Variants in SCLT1 observed in about 807,000 individuals in gnomAD.
The protein encoded by SCLT1 is sodium channel-associated protein 1.
SCLT1 carries 78 observed loss-of-function variants against 112.8 expected under a neutral mutation model. That is an observed-to-expected ratio of 0.69 (90% CI 0.58 to 0.83). SCLT1 has a LOEUF of 0.83. Ranked by LOEUF, SCLT1 falls within the 40% of genes least tolerant of loss-of-function variation. The pLI is 0.00. For missense variants in SCLT1, 747 were observed against 770.4 expected, an observed-to-expected ratio of 0.97 and a Z score of 0.36; for synonymous variants, 257 against 254.7, an observed-to-expected ratio of 1.01 and a Z score of -0.09.
rs1479985241 is a variant in SCLT1, at chr4:128,969,309, A to G, written c.777+1069T>C. ...TATTGCTGGCCGGGCGCGGTGGCTC[A>G]CACCTGTAATCCCAGCACTTTGGGA... On this transcript the variant is annotated intron_variant, in intron 10 of 20. Coordinates refer to ENST00000281142, the MANE Select transcript of SCLT1 (RefSeq NM_144643.4). 2.0e-5 allele frequency among the ~76,000 whole-genome samples: 3 copies of G among 152,130 alleles called. No homozygotes were observed. In the East Asian group the frequency reaches 5.8e-4, roughly 29 times the overall value.
chr4:128,876,992 A>AT (rs970269211), intron 3 of SCLT1, among the ~76,000 whole-genome samples: 4 of 152,112 alleles, frequency 2.6e-5, no homozygotes, highest in Non-Finnish European at 4.4e-5. Flanking sequence ...AGGTCTCTTC[A>AT]TTTTTTGCCT....
chr4:128,876,180 TTAATC>T (rs1444244590), intron 4 of SCLT1, among the ~76,000 whole-genome samples: 1 of 152,190 alleles, frequency 6.6e-6, no homozygotes, highest in Non-Finnish European at 1.5e-5. Context: ...GGTAGCTATC[TTAATC>T]TAATTTATAA....
chr4:129,031,708 C>T (rs2126145320), intron 5 of SCLT1, among the ~76,000 whole-genome samples: 1 of 152,154 alleles, frequency 6.6e-6, no homozygotes, highest in Admixed American at 6.5e-5. Context: ...CTCCCATTCA[C>T]AATTGCTACA....
intron 18 of SCLT1, among the ~76,000 whole-genome samples, chr4:128,931,501 C>T (rs527872737): frequency 1.3e-5 from 2 of 152,194 alleles, no homozygotes; most frequent in South Asian, 2.1e-4. Flanking sequence ...CTCACTCTGT[C>T]GCCCAGGCTG....
chr4:128,893,917 T>C (rs1474024552), intron 18 of SCLT1, among the ~76,000 whole-genome samples: 1 of 152,050 alleles, frequency 6.6e-6, no homozygotes, highest in Non-Finnish European at 1.5e-5. Flanking sequence ...TAGGGTCACA[T>C]AGCCTGTCAG....
chr4:128,997,082 A>T (rs1047812855), intron 8 of SCLT1: 9 of 152,054 alleles, frequency 5.9e-5, no homozygotes, highest in African/African-American at 2.2e-4. Context: ...ATAATATAGT[A>T]TCAAAAACTG....
intron 18 of SCLT1, among the ~76,000 whole-genome samples, chr4:128,906,910 A>G (rs1385821544): frequency 6.6e-6 from 1 of 152,216 alleles, no homozygotes; most frequent in African/African-American, 2.4e-5. Flanking sequence ...TCATGGTGCT[A>G]TGATAAAACA....
At chr4:129,046,529 CAT>C (rs1376499109) in intron 2 of SCLT1, among the ~76,000 whole-genome samples, 1 of 152,074 alleles carries the variant, frequency 6.6e-6, no homozygotes, top group Non-Finnish European at 1.5e-5. Context: ...TTCTTACTGA[CAT>C]ATACTATTTC....
chr4:128,913,047 G>C (rs567603219), intron 18 of SCLT1, among the ~76,000 whole-genome samples: 2 of 152,274 alleles, frequency 1.3e-5, no homozygotes, highest in African/African-American at 4.8e-5. Context: ...ACTTAAGTAG[G>C]AATTTTCTTT....
At chr4:129,009,656 A>C (rs1366660563) in intron 5 of SCLT1, among the ~76,000 whole-genome samples, 1 of 152,144 alleles carries the variant, frequency 6.6e-6, no homozygotes, top group Non-Finnish European at 1.5e-5. Context: ...TTTAACAGCC[A>C]TTCTGACTGG....
intron 18 of SCLT1, among the ~76,000 whole-genome samples, chr4:128,912,623 G>A (rs999505821): frequency 6.6e-6 from 1 of 151,990 alleles, no homozygotes; most frequent in Non-Finnish European, 1.5e-5. Flanking sequence ...CTGCCTTCTA[G>A]AACTAGTAAT....
At chr4:128,934,294 C>T (rs1560858582) in intron 18 of SCLT1, among the ~76,000 whole-genome samples, 2 of 146,942 alleles carry the variant, frequency 1.4e-5, no homozygotes, top group Admixed American at 6.7e-5. Flanking sequence ...TGTATATAAA[C>T]ACACACAGGC....
chr4:128,933,447 G>A (rs1474318450), intron 18 of SCLT1, among the ~76,000 whole-genome samples: 1 of 151,986 alleles, frequency 6.6e-6, no homozygotes, highest in Non-Finnish European at 1.5e-5. Context: ...ATGGGCCAGG[G>A]GGAGCTAACT....
chr4:128,897,758 G>T (rs1262169579), intron 18 of SCLT1, among the ~76,000 whole-genome samples: 1 of 152,158 alleles, frequency 6.6e-6, no homozygotes, highest in Non-Finnish European at 1.5e-5. Flanking sequence ...ACACATCAGT[G>T]TGCTGTATTC....
chr4:129,089,758 C>G (rs1399648261), intron 1 of SCLT1, among the ~76,000 whole-genome samples: 1 of 152,140 alleles, frequency 6.6e-6, no homozygotes, highest in Non-Finnish European at 1.5e-5. Context: ...CAAACTATCA[C>G]AAGAACAGAA....
intron 18 of SCLT1, among the ~76,000 whole-genome samples, chr4:128,901,533 G>T (rs888997818): frequency 1.6e-4 from 25 of 151,620 alleles, no homozygotes; most frequent in Admixed American, 2.6e-4. Context: ...GGGTGGTGGG[G>T]GGGGGGAGGG....
intron 4 of SCLT1, chr4:129,039,831 C>A: frequency 2.0e-5 from 4 of 195,876 alleles, no homozygotes; most frequent in Middle Eastern, 1.9e-3. Context: ...TGAGTAAAAG[C>A]AAAATAGCAA....
At position 128,914,043 on chromosome 4, in the gene SCLT1, G is replaced by A. The variant is rs868013557; in HGVS notation, c.1829+22612C>T. Among the ~76,000 whole-genome samples, 12 of 152,252 alleles carry A rather than the reference G, an allele frequency of 7.9e-5. No individual in the cohort carries two copies. In the South Asian group the frequency reaches 1.0e-3, roughly 13 times the overall value. On this transcript the variant is annotated intron_variant, in intron 18 of 20. Coordinates refer to ENST00000281142, the MANE Select transcript of SCLT1 (RefSeq NM_144643.4). ...CTTAGCAGCTATTTCTAAAGCACTG[G>A]GCGATTTGGATATCATTTTGATCTT...
At chr4:128,893,618 C>T (rs577950109) in intron 18 of SCLT1, among the ~76,000 whole-genome samples, 2 of 152,270 alleles carry the variant, frequency 1.3e-5, no homozygotes, top group African/African-American at 2.4e-5. Flanking sequence ...TCTCGGCTCA[C>T]TGCAAGCTCT....
Sources: allele counts gnomAD v4.1 joint callset (sites outside exome capture counted in the v4.1 genomes callset), GRCh38; gene constraint gnomAD v4.1.1; transcripts MANE v1.5; gene names NCBI Gene and HGNC (gene_info 2026-07-23, HGNC 2026-07-21).